The following STAG1 variants were observed in gnomAD, a reference collection of about 807,000 sequenced individuals.
STAG1 encodes STAG1 cohesin complex component.
STAG1 carries 26 observed loss-of-function variants against 170.9 expected under a neutral mutation model. That is an observed-to-expected ratio of 0.15 (90% CI 0.11 to 0.21). STAG1 has a LOEUF of 0.21. Ranked by LOEUF, STAG1 falls within the 10% of genes least tolerant of loss-of-function variation. The pLI, the probability that STAG1 is intolerant of heterozygous loss-of-function variation, is 1.00. For synonymous variants in STAG1, 514 were observed against 497.7 expected (o/e 1.03, Z -0.44); for missense variants, 964 against 1,509.5 (o/e 0.64, Z 5.99).
intron 1 of STAG1, among the ~76,000 whole-genome samples, chr3:136,726,447 A>T (rs943030759): frequency 6.6e-6 from 1 of 152,160 alleles, no homozygotes; most frequent in Non-Finnish European, 1.5e-5. Flanking sequence ...TTGTTTTGAG[A>T]CAGTCTTGTT....
chr3:136,444,870 T>TC (rs2088732697), intron 14 of STAG1, among the ~76,000 whole-genome samples: 1 of 152,134 alleles, frequency 6.6e-6, no homozygotes, highest in Admixed American at 6.6e-5. Flanking sequence ...GATTTTTTTT[T>TC]CTCCTTTGGA....
rs757268796 is a variant in STAG1, at chr3:136,359,221, G to T, written c.2863C>A (p.Leu955Met). The change falls in exon 27 of 34, where the codon CTG becomes ATG. Residue 955 changes from leucine (L) to methionine (M), a missense_variant. Transcript: ENST00000383202. ...TSAHVSGIKE[L>M]ARRFALTFGL... ...AATGTAAGGGCAAAGCGACGTGCCAGTTCTTTAATGCCACTGACATGGGCA... is the reference window on the plus strand; with the variant it reads ...AATGTAAGGGCAAAGCGACGTGCCATTTCTTTAATGCCACTGACATGGGCA... The T allele has an allele frequency of 6.2e-7, 1 of 1,613,842 alleles. No individual in the cohort carries two copies. The highest frequency in any genetic ancestry group is 1.1e-5 in the South Asian group (1 of 91,038).
chr3:136,624,683 T>C (rs898120528), intron 2 of STAG1, among the ~76,000 whole-genome samples: 2 of 152,198 alleles, frequency 1.3e-5, no homozygotes, highest in African/African-American at 4.8e-5. Flanking sequence ...AATTTCTCTA[T>C]CACTTTCTTA....
chr3:136,397,432 CA>C (rs2087197201), intron 22 of STAG1, among the ~76,000 whole-genome samples: 1 of 148,150 alleles, frequency 6.7e-6, no homozygotes, highest in Non-Finnish European at 1.5e-5. Context: ...AACACTTAAT[CA>C]AAATCTCAAC....
intron 1 of STAG1, among the ~76,000 whole-genome samples, chr3:136,670,951 T>C (rs1423385338): frequency 2.6e-5 from 4 of 152,154 alleles, no homozygotes; most frequent in Non-Finnish European, 5.9e-5. Context: ...TACTCAAAAG[T>C]GAAGAGGCTC....
intron 22 of STAG1, among the ~76,000 whole-genome samples, chr3:136,388,346 C>T (rs1056297178): frequency 2.0e-5 from 3 of 152,038 alleles, no homozygotes; most frequent in African/African-American, 7.2e-5. Flanking sequence ...ATGCTGGAAA[C>T]AGAAGAACTG....
chr3:136,527,111 CTG>C (rs1178610789), intron 6 of STAG1, among the ~76,000 whole-genome samples: 1 of 152,168 alleles, frequency 6.6e-6, no homozygotes, highest in Non-Finnish European at 1.5e-5. Context: ...ATGACATTCT[CTG>C]TATTTCCTGA....
At chr3:136,376,952 G>A (rs1159668377) in intron 23 of STAG1, among the ~76,000 whole-genome samples, 4 of 151,302 alleles carry the variant, frequency 2.6e-5, no homozygotes, top group South Asian at 2.1e-4. Context: ...CACCATGCCC[G>A]GCTAATTTTT....
At position 136,344,357 on chromosome 3, in the gene STAG1, C is replaced by G. The variant is rs115039755; in HGVS notation, c.3272-351G>C. ...GGGAAGATTGCAGCCAGCCAGAGACCTCTCCTCTTTTCTTTGTTCAAGCAA... is the reference window on the plus strand; with the variant it reads ...GGGAAGATTGCAGCCAGCCAGAGACGTCTCCTCTTTTCTTTGTTCAAGCAA... On this transcript the variant is annotated intron_variant, in intron 29 of 33. Transcript: ENST00000383202. Among the ~76,000 whole-genome samples, 993 of 152,162 alleles carry G rather than the reference C, an allele frequency of 6.5e-3. 10 individuals carry two copies. The highest frequency in any genetic ancestry group is 0.023 in the African/African-American group (964 of 41,518).
intron 5 of STAG1, among the ~76,000 whole-genome samples, chr3:136,562,443 T>C (rs1221099613): frequency 1.3e-5 from 2 of 150,554 alleles, no homozygotes; most frequent in Admixed American, 6.6e-5. Context: ...GTATTTTTAG[T>C]AGAGACGGGG....
intron 7 of STAG1, among the ~76,000 whole-genome samples, chr3:136,511,264 G>C (rs1192555608): frequency 6.6e-6 from 1 of 152,168 alleles, no homozygotes; most frequent in East Asian, 1.9e-4. Flanking sequence ...CAGTCTAGGA[G>C]AATTCTTTAT....
intron 4 of STAG1, among the ~76,000 whole-genome samples, chr3:136,571,978 T>C (rs1045600110): frequency 6.6e-6 from 1 of 151,784 alleles, no homozygotes; most frequent in Non-Finnish European, 1.5e-5. Context: ...AGGTCAGGAG[T>C]TCCAGACCAG....
chr3:136,707,079 A>G (rs779262986), intron 1 of STAG1, among the ~76,000 whole-genome samples: 3 of 152,228 alleles, frequency 2.0e-5, no homozygotes, highest in Non-Finnish European at 2.9e-5. Context: ...CTAAATATAA[A>G]GGCTAAAATT....
chr3:136,679,416 C>T (rs1007279610), intron 1 of STAG1, among the ~76,000 whole-genome samples: 1 of 149,126 alleles, frequency 6.7e-6, no homozygotes, highest in Non-Finnish European at 1.5e-5. Flanking sequence ...CACATCTCTA[C>T]AAAAAAAAAT....
At chr3:136,689,195 A>G (rs13095709) in intron 1 of STAG1, among the ~76,000 whole-genome samples, 23 of 152,372 alleles carry the variant, frequency 1.5e-4, no homozygotes, top group South Asian at 4.1e-4. Flanking sequence ...TTTCCACCTG[A>G]TAAGAAAACA....
At chr3:136,473,751 T>C (rs775017965) in intron 10 of STAG1, 114 bp from the exon 11 acceptor site, 1 of 722,928 alleles carries the variant, frequency 1.4e-6, no homozygotes, top group African/African-American at 1.8e-5. Flanking sequence ...CATATTGTAA[T>C]TCAACATAGG....
chr3:136,471,580 T>C (rs2089629368), intron 12 of STAG1, among the ~76,000 whole-genome samples: 1 of 152,200 alleles, frequency 6.6e-6, no homozygotes, highest in Non-Finnish European at 1.5e-5. Flanking sequence ...TCGTGATAGA[T>C]GTACCATCAC....
chr3:136,430,806 G>GACACACACACACACAC (rs35492621), intron 16 of STAG1, among the ~76,000 whole-genome samples: 99 of 131,150 alleles, frequency 7.5e-4, no homozygotes, highest in East Asian at 1.2e-3. Context: ...GACATAGACA[G>GACACACACACACACAC]ACACACACAC....
At chr3:136,402,039 C>T (rs2087342661) in intron 21 of STAG1, among the ~76,000 whole-genome samples, 1 of 152,054 alleles carries the variant, frequency 6.6e-6, no homozygotes, top group South Asian at 2.1e-4. Context: ...CCACCGCGCC[C>T]ACCCAATATT....
Sources: gnomAD v4.1 joint callset for allele counts (sites outside exome capture counted in the v4.1 genomes callset) on GRCh38, gnomAD v4.1.1 for gene constraint, MANE v1.5 for transcripts, NCBI Gene and HGNC (gene_info 2026-07-23, HGNC 2026-07-21) for gene names.